IFT27: variants seen among roughly 807,000 people sequenced by gnomAD.
IFT27 encodes the protein intraflagellar transport protein 27 homolog.
Under a neutral mutation model 23.9 loss-of-function variants are expected in IFT27, and 19 were observed. The ratio of observed to expected loss-of-function variants is 0.79; its 90% CI spans 0.55 to 1.16. The LOEUF is 1.16. Ranked by LOEUF, IFT27 falls within the 50% of genes most tolerant of loss-of-function variation. IFT27 has a pLI of 0.00. For missense variants in IFT27, 206 were observed against 228.7 expected, an observed-to-expected ratio of 0.90 and a Z score of 0.64; for synonymous variants, 91 against 89.1, an observed-to-expected ratio of 1.02 and a Z score of -0.12.
intron 5 of IFT27, chr22:36,763,590 C>A (rs1569075325): frequency 4.6e-6 from 2 of 432,386 alleles, no homozygotes; most frequent in Non-Finnish European, 4.3e-6. Flanking sequence ...TACTTGTACC[C>A]CATATACAAG....
At chr22:36,771,511 T>TGGCATGTGCTGGGGTCACGC (rs1372761056) in intron 1 of IFT27, among the ~76,000 whole-genome samples, 2 of 152,064 alleles carry the variant, frequency 1.3e-5, no homozygotes, top group Non-Finnish European at 2.9e-5. Context: ...TGGTGCTCTG[T>TGGCATGTGCTGGGGTCACGC]GGCATGTGCT....
In IFT27 at chr22:36,775,849, C is replaced by T; in HGVS notation, c.-142G>A. ...TGATCTCAAGGGTCAGTGGCCGCGA[C>T]GGGACTGGGGATGACCGAGCCCGGC... On this transcript the variant is annotated 5_prime_UTR_variant, in exon 1 of 7. Coordinates refer to ENST00000433985, the MANE Select transcript of IFT27 (RefSeq NM_001177701.3). 1 of 485,868 alleles carries T rather than the reference C, an allele frequency of 2.1e-6. No individual in the cohort carries two copies. The highest frequency in any genetic ancestry group is 1.7e-5 in the South Asian group (1 of 60,104). 30.1% of individuals were successfully genotyped at this position (485,868 alleles called of 1,614,324 possible).
Position 36,776,105 on chromosome 22 carries a change from C to A in IFT27, c.-398G>T, listed in dbSNP as rs1357212114. The stretch of plus-strand genomic sequence containing the variant: ...CGGGCCGGATGCACTCTCCAAGCAA[C>A]CATAGCCCACCTGCCCCGCCTCCTC... On this transcript the variant is annotated 5_prime_UTR_variant, in exon 1 of 7. Transcript: ENST00000433985. 2.5e-5 allele frequency: 6 copies of A among 238,490 alleles called. No homozygotes were observed. The highest frequency in any genetic ancestry group is 4.2e-5 in the Non-Finnish European group (5 of 119,028). The allele number at this position is 238,490 out of a possible 1,614,324, so 14.8% of individuals were successfully genotyped here. A position where few individuals can be genotyped will look rare whatever the true frequency, so the allele number is the denominator to read the frequency against.
chr22:36,772,169 C>T lies in IFT27; in HGVS notation c.34+3505G>A, dbSNP rs754363552. Among the ~76,000 whole-genome samples the T allele has an allele frequency of 4.4e-4, 67 of 152,322 alleles. 1 individual carries two copies. The highest frequency in any genetic ancestry group is 7.5e-4 in the Non-Finnish European group (51 of 68,024). ...CTTTATCTGTGTGGCTAACGTGGAT[C>T]GTTGCTCAGTGGTAGCGCACGATGT... On this transcript the variant is annotated intron_variant, in intron 1 of 6. Transcript: ENST00000433985.
chr22:36,772,715 C>A, intron 1 of IFT27: 1 of 984,632 alleles, frequency 1.0e-6, no homozygotes, highest in Non-Finnish European at 1.2e-6. Context: ...AGGTGCTCAG[C>A]GAGTATCTGT....
intron 5 of IFT27, 107 bp downstream of exon 5, chr22:36,763,812 A>G: frequency 2.3e-6 from 2 of 851,578 alleles, no homozygotes; most frequent in Non-Finnish European, 2.0e-6. Context: ...ATCAAAGTCC[A>G]AGCCCAGGGC....
At chr22:36,762,051 G>C (rs568602696) in intron 6 of IFT27, 2 of 152,152 alleles carry the variant, frequency 1.3e-5, no homozygotes, top group Non-Finnish European at 2.9e-5. Context: ...ACCAACACTC[G>C]GGCCCCTGCT....
chr22:36,766,494 C>T (rs1207409646), intron 3 of IFT27: 1 of 430,200 alleles, frequency 2.3e-6, no homozygotes, highest in Non-Finnish European at 4.3e-6. Flanking sequence ...GACTTCCCAC[C>T]TGGCAGAACA....
chr22:36,766,007 C>G (rs1938239096), intron 4 of IFT27, 131 bp downstream of exon 4: 1 of 773,626 alleles, frequency 1.3e-6, no homozygotes, highest in Admixed American at 1.9e-5. Context: ...GGGAGGAATG[C>G]CCCTTAAAGA....
chr22:36,769,085 T>C (rs1200597701), intron 1 of IFT27, among the ~76,000 whole-genome samples: 2 of 152,246 alleles, frequency 1.3e-5, no homozygotes, highest in Non-Finnish European at 2.9e-5. Flanking sequence ...GCTTGTGGCA[T>C]TTCATTTTAT....
chr22:36,760,937 A>T (rs994318278), intron 6 of IFT27: 1 of 167,112 alleles, frequency 6.0e-6, no homozygotes. Context: ...GTTTAGGCAG[A>T]AGAGAGGAGG....
rs145338298 is a variant in IFT27 at position 36,762,962 on chromosome 22, G to A, written c.404C>T (p.Ser135Leu). 4 of 1,606,168 alleles carry A rather than the reference G, an allele frequency of 2.5e-6. No homozygotes were observed. In the African/African-American group the frequency reaches 4.0e-5, roughly 16 times the overall value. ...TDLAGRRAVDSAEARAWALGQ... is the reference protein window; with the variant it reads ...TDLAGRRAVDLAEARAWALGQ... ...CAGCGCCCATGCCCGGGCCTCAGCT[G>A]AGTCCACTGCTCGTCTGCCGGCCAG... The change falls in exon 6 of 7, where the codon TCA becomes TTA. Residue 135 changes from serine (S) to leucine (L), a missense_variant. Transcript: ENST00000433985.
intron 1 of IFT27, chr22:36,768,408 A>G (rs913844599): frequency 6.3e-5 from 18 of 284,628 alleles, no homozygotes; most frequent in Non-Finnish European, 9.7e-5. Flanking sequence ...ATCTCTTTCC[A>G]AATGCTATGC....
intron 4 of IFT27, 130 bp from the exon 5 acceptor site, chr22:36,764,166 C>A (rs1488663033): frequency 2.9e-6 from 2 of 690,944 alleles, no homozygotes; most frequent in South Asian, 1.7e-5. Flanking sequence ...AACAGCCACA[C>A]CCCCAGATGT....
chr22:36,759,683 T>G (rs1015436766), intron 6 of IFT27: 1 of 152,248 alleles, frequency 6.6e-6, no homozygotes, highest in Non-Finnish European at 1.5e-5. Flanking sequence ...CTGGCAAAAG[T>G]GCAACCTTGA....
At chr22:36,774,159 T>G (rs1268964628) in intron 1 of IFT27, among the ~76,000 whole-genome samples, 2 of 152,238 alleles carry the variant, frequency 1.3e-5, no homozygotes, top group Non-Finnish European at 2.9e-5. Context: ...AAACTGGAGA[T>G]TCTCCTGAGA....
At chr22:36,759,887 C>T (rs1294725904) in intron 6 of IFT27, 2 of 152,206 alleles carry the variant, frequency 1.3e-5, no homozygotes, top group Non-Finnish European at 2.9e-5. Context: ...TACCTTTCCT[C>T]GAGGCCAGCT....
intron 6 of IFT27, 111 bp from the exon 7 acceptor site, chr22:36,758,520 T>A (rs1937993263): frequency 5.0e-6 from 4 of 805,166 alleles, no homozygotes; most frequent in Admixed American, 2.1e-5. Context: ...CCTCATTTCA[T>A]CTTCACGCCC....
chr22:36,772,525 T>C (rs1938407396), intron 1 of IFT27: 1 of 985,338 alleles, frequency 1.0e-6, no homozygotes, highest in Non-Finnish European at 1.2e-6. Context: ...TTCTTTCTTC[T>C]CCAGAACCAG....
Sources: allele counts gnomAD v4.1 joint callset (sites outside exome capture counted in the v4.1 genomes callset), GRCh38; gene constraint gnomAD v4.1.1; transcripts MANE v1.5; gene names NCBI Gene and HGNC (gene_info 2026-07-23, HGNC 2026-07-21).